The following SFMBT2 variants were observed in gnomAD, a reference collection of about 807,000 sequenced individuals.
SFMBT2 encodes Scm like with four mbt domains 2, also known as scm-like with four MBT domains protein 2.
SFMBT2 carries 38 observed loss-of-function variants against 110.1 expected under a neutral mutation model. The ratio of observed to expected loss-of-function variants is 0.35; its 90% CI spans 0.27 to 0.45. The LOEUF (loss-of-function observed/expected upper bound fraction) is 0.45. Ranked by LOEUF, SFMBT2 falls within the 20% of genes least tolerant of loss-of-function variation. SFMBT2 has a pLI of 1.00. For missense variants in SFMBT2, 1,011 were observed against 1,094.9 expected (o/e 0.92, Z 1.08); for synonymous variants, 425 against 425.4 (o/e 1.00, Z 0.01).
chr10:7,284,390 A>T, intron 5 of SFMBT2: 1 of 1,256,576 alleles, frequency 8.0e-7, no homozygotes, highest in Non-Finnish European at 1.0e-6. Flanking sequence ...GTCAATAGAA[A>T]ATAACAGTTT....
intron 10 of SFMBT2, among the ~76,000 whole-genome samples, chr10:7,223,817 C>T (rs1839823298): frequency 6.6e-6 from 1 of 152,176 alleles, no homozygotes; most frequent in Non-Finnish European, 1.5e-5. Context: ...TTCTCCCCAA[C>T]GTTTTGATTC....
intron 4 of SFMBT2, among the ~76,000 whole-genome samples, chr10:7,366,983 A>T (rs1045986423): frequency 2.0e-5 from 3 of 152,096 alleles, no homozygotes; most frequent in African/African-American, 7.2e-5. Flanking sequence ...GCTTTGTAGC[A>T]ACTAAATTGA....
chr10:7,370,226 A>C, intron 3 of SFMBT2, 55 bp downstream of exon 3: 2 of 1,459,840 alleles, frequency 1.4e-6, no homozygotes, highest in Non-Finnish European at 1.9e-6. Flanking sequence ...CTCCCTATAG[A>C]TTCCTTCCCT....
chr10:7,308,576 C>T lies in SFMBT2; in HGVS notation c.437-22622G>A, dbSNP rs149688871. The stretch of plus-strand genomic sequence containing the variant: ...TGCTGGAGATGGGGACATAAAACTT[C>T]CAAGAAAAAGCACATGACCCAAGGT... On this transcript the variant is annotated intron_variant, in intron 4 of 20. Coordinates refer to ENST00000397167, the MANE Select transcript of SFMBT2 (RefSeq NM_001387889.1). Among the ~76,000 whole-genome samples the T allele has an allele frequency of 5.1e-4, 77 of 152,168 alleles. 1 individual carries two copies. The East Asian group carries it at 0.012, about 24-fold the overall frequency.
At chr10:7,384,962 T>G (rs1355631689) in intron 1 of SFMBT2, among the ~76,000 whole-genome samples, 1 of 152,148 alleles carries the variant, frequency 6.6e-6, no homozygotes, top group Non-Finnish European at 1.5e-5. Flanking sequence ...TTTCCTCCCA[T>G]GAGCTGCACA....
At chr10:7,373,489 CA>C (rs1161725642) in intron 2 of SFMBT2, among the ~76,000 whole-genome samples, 8 of 152,188 alleles carry the variant, frequency 5.3e-5, no homozygotes, top group African/African-American at 1.9e-4. Flanking sequence ...TGTATACTCA[CA>C]GGGGCAATCT....
At chr10:7,269,715 CGTGTGTGTGTGTGTGTGTGT>C (rs35063251) in intron 7 of SFMBT2, among the ~76,000 whole-genome samples, 15 of 38,466 alleles carry the variant, frequency 3.9e-4, no homozygotes, top group African/African-American at 7.6e-4. Context: ...TAAGTGTGTG[CGTGTGTGTGTGTGTGTGTGT>C]GTGTGTGTGT....
chr10:7,262,785 A>AG, intron 7 of SFMBT2, among the ~76,000 whole-genome samples: 1 of 152,214 alleles, frequency 6.6e-6, no homozygotes, highest in South Asian at 2.1e-4. Flanking sequence ...TGCCCTCTTT[A>AG]GTGTGTCTCT....
chr10:7,169,127 T>G (rs1266943815), intron 20 of SFMBT2, among the ~76,000 whole-genome samples: 1 of 151,998 alleles, frequency 6.6e-6, no homozygotes, highest in Non-Finnish European at 1.5e-5. Context: ...CACGCCCAGC[T>G]AATTTTTTTT....
intron 9 of SFMBT2, among the ~76,000 whole-genome samples, chr10:7,237,012 C>T (rs150695089): frequency 0.012 from 1,842 of 152,242 alleles, 18 homozygotes; most frequent in South Asian, 0.054. Context: ...CTCACTGAAA[C>T]GAGGAGATCC....
At chr10:7,181,243 A>C (rs1838239336) in intron 16 of SFMBT2, among the ~76,000 whole-genome samples, 1 of 151,772 alleles carries the variant, frequency 6.6e-6, no homozygotes, top group South Asian at 2.1e-4. Flanking sequence ...CATTTCAAAA[A>C]AAAAAAAAAA....
intron 4 of SFMBT2, among the ~76,000 whole-genome samples, chr10:7,311,202 C>G (rs889771330): frequency 2.0e-5 from 3 of 151,498 alleles, no homozygotes; most frequent in Non-Finnish European, 2.9e-5. Flanking sequence ...TAATTGTACA[C>G]AGAACAAATC....
intron 8 of SFMBT2, chr10:7,246,325 T>A (rs915031078): frequency 1.4e-5 from 3 of 211,622 alleles, no homozygotes; most frequent in African/African-American, 4.7e-5. Flanking sequence ...TCTATTCAGC[T>A]AGAAAAAGAG....
chr10:7,259,267 C>T (rs369092986), intron 7 of SFMBT2, among the ~76,000 whole-genome samples: 29 of 152,338 alleles, frequency 1.9e-4, no homozygotes, highest in African/African-American at 6.7e-4. Flanking sequence ...AACCCCTCTA[C>T]GTGCTCTGCC....
At chr10:7,357,902 A>G (rs1464713831) in intron 4 of SFMBT2, among the ~76,000 whole-genome samples, 1 of 152,058 alleles carries the variant, frequency 6.6e-6, no homozygotes, top group Non-Finnish European at 1.5e-5. Context: ...ATGTTGGCAC[A>G]GCCCTGGAGT....
rs1371646517 is a variant in SFMBT2 at position 7,258,027 on chromosome 10, G to C, written c.871-9378C>G. ...GCTTGCTGCAACCTCCGCCTCCCAG[G>C]CTCCAGCAATACTTCCACCTCAGCC... On this transcript the variant is annotated intron_variant, in intron 7 of 20. Transcript: ENST00000397167. Among the ~76,000 whole-genome samples, 7 of 152,274 alleles carry C rather than the reference G, an allele frequency of 4.6e-5. No homozygotes were observed. In the East Asian group the frequency reaches 1.3e-3, roughly 29 times the overall value.
At chr10:7,295,408 A>G (rs1029961194) in intron 4 of SFMBT2, 4 of 152,174 alleles carry the variant, frequency 2.6e-5, no homozygotes, top group African/African-American at 9.7e-5. Flanking sequence ...ACCTCCAACA[A>G]CTTGTAGGCC....
chr10:7,248,704 C>T (rs1840702412), intron 7 of SFMBT2, 55 bp from the exon 8 acceptor site: 1 of 1,529,342 alleles, frequency 6.5e-7, no homozygotes, highest in Non-Finnish European at 9.0e-7. Context: ...ATGACCTCAG[C>T]CACTGTCCGG....
At chr10:7,237,169 A>G (rs543571319) in intron 9 of SFMBT2, among the ~76,000 whole-genome samples, 2 of 152,378 alleles carry the variant, frequency 1.3e-5, no homozygotes, top group East Asian at 1.9e-4. Context: ...ACAGAATTCC[A>G]GCAATTCCAC....
Sources: gnomAD v4.1 joint callset for allele counts (sites outside exome capture counted in the v4.1 genomes callset) on GRCh38, gnomAD v4.1.1 for gene constraint, MANE v1.5 for transcripts, NCBI Gene and HGNC (gene_info 2026-07-23, HGNC 2026-07-21) for gene names.